SPPL3: variants seen among roughly 807,000 people sequenced by gnomAD.
SPPL3 encodes the protein signal peptide peptidase-like 3.
SPPL3 carries 5 observed loss-of-function variants against 42.4 expected under a neutral mutation model. The observed-to-expected ratio is 0.12, with a 90% CI of 0.06 to 0.25. The LOEUF (loss-of-function observed/expected upper bound fraction) is 0.25, where lower values mean the gene tolerates loss of function less well. Among genes scored for constraint, SPPL3 ranks in the 10% least tolerant of loss-of-function variants. The probability of loss-of-function intolerance (pLI) is 1.00; values close to 1 mark genes in which losing one functional copy is unlikely to be tolerated. For missense variants in SPPL3, 235 were observed against 489.0 expected (o/e 0.48, Z 4.90); for synonymous variants, 195 against 181.8 (o/e 1.07, Z -0.58).
Position 120,783,706 on chromosome 12 carries a change from C to G in SPPL3, c.357G>C (p.Gln119His). The part of the protein sequence containing the change: ...AFAFLLLPMC[Q>H]YLTRPCSPQN... ...GAGGTGAGCAGGGTCTTGTTAAATA[C>G]TGGCACATCGGGAGGAGAAGAAAAG... The change falls in exon 5 of 11, where the codon CAG becomes CAC. Residue 119 changes from glutamine to histidine, a missense_variant. Transcript: ENST00000353487. The G allele has an allele frequency of 5.6e-6, 9 of 1,613,712 alleles. No individual in the cohort carries two copies. Among genetic ancestry groups the G allele is most frequent in the Non-Finnish European group, 6.8e-6 (8 of 1,179,774 alleles).
At chr12:120,889,843 TTAACA>T (rs1236637593) in intron 1 of SPPL3, among the ~76,000 whole-genome samples, 5 of 152,236 alleles carry the variant, frequency 3.3e-5, no homozygotes, top group Non-Finnish European at 5.9e-5. Flanking sequence ...AGTTTTTCAC[TTAACA>T]TAAGACAACC....
chr12:120,825,416 T>C (rs1871206662), intron 1 of SPPL3, among the ~76,000 whole-genome samples: 1 of 152,192 alleles, frequency 6.6e-6, no homozygotes, highest in South Asian at 2.1e-4. Context: ...ATCTGTTTAT[T>C]GAGCACCTGA....
intron 6 of SPPL3, among the ~76,000 whole-genome samples, chr12:120,775,190 G>A (rs1184022833): frequency 6.6e-6 from 1 of 152,126 alleles, no homozygotes; most frequent in African/African-American, 2.4e-5. Context: ...TCACTCTGTT[G>A]CCCAGGTTGG....
intron 1 of SPPL3, among the ~76,000 whole-genome samples, chr12:120,831,238 C>G (rs1871417286): frequency 6.6e-6 from 1 of 152,152 alleles, no homozygotes; most frequent in African/African-American, 2.4e-5. Flanking sequence ...TTTCCTGGTT[C>G]TTTAGCTTGC....
chr12:120,868,584 C>T (rs11065302), intron 1 of SPPL3, among the ~76,000 whole-genome samples: 9,744 of 152,210 alleles, frequency 0.064, 462 homozygotes, highest in South Asian at 0.18. Flanking sequence ...TGGGTTCAAG[C>T]GATTCTCCTG....
intron 1 of SPPL3, chr12:120,835,435 A>G (rs1871580040): frequency 6.6e-6 from 1 of 152,242 alleles, no homozygotes; most frequent in Admixed American, 6.5e-5. Flanking sequence ...GATGTTATAC[A>G]TACAGTTATA....
intron 1 of SPPL3, among the ~76,000 whole-genome samples, chr12:120,823,642 G>A (rs1196313074): frequency 6.6e-6 from 1 of 152,072 alleles, no homozygotes; most frequent in Non-Finnish European, 1.5e-5. Flanking sequence ...TCATCTCTGG[G>A]TGATACTGTC....
At chr12:120,887,892 T>C (rs1873512074) in intron 1 of SPPL3, among the ~76,000 whole-genome samples, 1 of 152,176 alleles carries the variant, frequency 6.6e-6, no homozygotes, top group South Asian at 2.1e-4. Flanking sequence ...GAAATTAGAA[T>C]CTCACACATT....
intron 1 of SPPL3, among the ~76,000 whole-genome samples, chr12:120,900,564 A>G (rs896671530): frequency 6.1e-5 from 9 of 148,464 alleles, no homozygotes; most frequent in Non-Finnish European, 1.3e-4. Flanking sequence ...ACTGCACTCC[A>G]GCCTGCATGA....
chr12:120,791,237 TATCAA>T, intron 3 of SPPL3, among the ~76,000 whole-genome samples: 1 of 152,312 alleles, frequency 6.6e-6, no homozygotes, highest in South Asian at 2.1e-4. Flanking sequence ...GTATTAATAT[TATCAA>T]ATCAAGTCAC....
intron 1 of SPPL3, among the ~76,000 whole-genome samples, chr12:120,876,486 G>A (rs1222549496): frequency 2.6e-5 from 4 of 151,284 alleles, no homozygotes; most frequent in Non-Finnish European, 4.4e-5. Context: ...GCGTGGTGGC[G>A]GGCACCTGTA....
At chr12:120,841,582 C>T (rs937793244) in intron 1 of SPPL3, among the ~76,000 whole-genome samples, 1 of 152,064 alleles carries the variant, frequency 6.6e-6, no homozygotes, top group African/African-American at 2.4e-5. Context: ...AGAGAAATTG[C>T]CTCAGTTTGT....
chr12:120,813,212 AGAG>A (rs1208157964), intron 1 of SPPL3, among the ~76,000 whole-genome samples: 1 of 151,708 alleles, frequency 6.6e-6, no homozygotes. Context: ...TGATGCATAC[AGAG>A]GAGGACATTA....
intron 1 of SPPL3, among the ~76,000 whole-genome samples, chr12:120,854,246 G>A (rs575839127): frequency 3.0e-4 from 46 of 152,272 alleles, no homozygotes; most frequent in African/African-American, 9.4e-4. Context: ...AAAGCCAAGG[G>A]TTTACCATGA....
chr12:120,791,227 GTATTAA>G (rs767961700), intron 3 of SPPL3, among the ~76,000 whole-genome samples: 17 of 152,224 alleles, frequency 1.1e-4, no homozygotes, highest in Non-Finnish European at 2.2e-4. Flanking sequence ...CAATATAAAT[GTATTAA>G]TATTATCAAA....
chr12:120,854,184 T>C (rs1024323525), intron 1 of SPPL3, among the ~76,000 whole-genome samples: 5 of 152,120 alleles, frequency 3.3e-5, no homozygotes, highest in African/African-American at 1.2e-4. Flanking sequence ...TAAGAACACA[T>C]GTGGCAGCCT....
intron 1 of SPPL3, among the ~76,000 whole-genome samples, chr12:120,887,969 A>G (rs1873513822): frequency 6.6e-6 from 1 of 152,256 alleles, no homozygotes; most frequent in African/African-American, 2.4e-5. Context: ...AAAATGTTAA[A>G]AACAGAAACT....
chr12:120,852,764 G>GATATATGAAATA lies in SPPL3; in HGVS notation c.24-41879_24-41878insTATTTCATATAT, dbSNP rs1433841747. On this transcript the variant is annotated intron_variant, in intron 1 of 10. Coordinates refer to ENST00000353487, the MANE Select transcript of SPPL3 (RefSeq NM_139015.5). ...AATATATTTCATATATTATATCTAT[G>GATATATGAAATA]TATATTATATATAAAATATATTTCA... is the stretch of plus-strand genomic sequence containing the variant. Among the ~76,000 whole-genome samples, 291 of 68,098 alleles carry GATATATGAAATA rather than the reference G, an allele frequency of 4.3e-3. 25 individuals are homozygous for GATATATGAAATA. Among genetic ancestry groups the GATATATGAAATA allele is most frequent in the South Asian group, 0.016 (35 of 2,154 alleles). The allele number at this position is 68,098 out of a possible 152,430, so 44.7% of individuals were successfully genotyped here.
intron 1 of SPPL3, among the ~76,000 whole-genome samples, chr12:120,850,492 TA>T (rs11413210): frequency 0.051 from 6,038 of 119,314 alleles, 201 homozygotes; most frequent in African/African-American, 0.11. Context: ...GACCAGCCTT[TA>T]AAAAAAAAAA....
Sources: allele counts gnomAD v4.1 joint callset (sites outside exome capture counted in the v4.1 genomes callset), GRCh38; gene constraint gnomAD v4.1.1; transcripts MANE v1.5; gene names NCBI Gene and HGNC (gene_info 2026-07-23, HGNC 2026-07-21).